Variants in GARIN2 observed in about 807,000 individuals in gnomAD.
GARIN2 encodes the protein golgi associated RAB2 interactor family member 2.
chr14:67,222,076 T>A, the GARIN2 span: 1 of 395,078 alleles, frequency 2.5e-6, no homozygotes, highest in Non-Finnish European at 4.5e-6. Flanking sequence ...GTTTCCCAGT[T>A]CCCTGTATCT....
the GARIN2 span, among the ~76,000 whole-genome samples, chr14:67,192,111 C>G: frequency 6.6e-6 from 1 of 152,214 alleles, no homozygotes; most frequent in African/African-American, 2.4e-5. Context: ...TGCAGCGCAG[C>G]AAAAGCCCTT....
chr14:67,199,886 C>A, the GARIN2 span: 4 of 1,488,626 alleles, frequency 2.7e-6, no homozygotes, highest in Non-Finnish European at 3.6e-6. Context: ...CATGGCCCCC[C>A]ATCGGCAGGA....
the GARIN2 span, among the ~76,000 whole-genome samples, chr14:67,209,317 A>G: frequency 6.6e-6 from 1 of 152,156 alleles, no homozygotes; most frequent in African/African-American, 2.4e-5. Context: ...AGAGAGAGAG[A>G]GAATAGAGAG....
chr14:67,225,801 G>A, the GARIN2 span, among the ~76,000 whole-genome samples: 2 of 152,138 alleles, frequency 1.3e-5, no homozygotes, highest in Admixed American at 6.5e-5. Flanking sequence ...TCTGCAGTGC[G>A]TTGCTGAAAA....
the GARIN2 span, among the ~76,000 whole-genome samples, chr14:67,211,243 A>T: frequency 6.6e-6 from 1 of 152,236 alleles, no homozygotes; most frequent in African/African-American, 2.4e-5. Context: ...CTAGGTATAG[A>T]TATAGATAAA....
the GARIN2 span, among the ~76,000 whole-genome samples, chr14:67,220,921 T>C: frequency 6.6e-6 from 1 of 152,352 alleles, no homozygotes. Context: ...AATTATGTCT[T>C]TGCATGTTTA....
chr14:67,190,961 C>T, the GARIN2 span, among the ~76,000 whole-genome samples: 3 of 152,218 alleles, frequency 2.0e-5, no homozygotes, highest in Non-Finnish European at 4.4e-5. Context: ...TAGCCAGGTG[C>T]AGTGGCTCAT....
the GARIN2 span, among the ~76,000 whole-genome samples, chr14:67,198,546 C>G: frequency 6.6e-6 from 1 of 152,200 alleles, no homozygotes; most frequent in Non-Finnish European, 1.5e-5. Flanking sequence ...TGTCTTAACT[C>G]TACCATAATT....
the GARIN2 span, chr14:67,204,536 G>A: frequency 1.9e-6 from 3 of 1,611,612 alleles, no homozygotes; most frequent in South Asian, 1.1e-5. Context: ...CTTGTTTGCA[G>A]GTTTCTCCCT....
At chr14:67,193,178 C>T in the GARIN2 span, among the ~76,000 whole-genome samples, 2 of 136,264 alleles carry the variant, frequency 1.5e-5, no homozygotes, top group African/African-American at 2.7e-5. Context: ...CTATATATCT[C>T]TATATAGACA....
the GARIN2 span, among the ~76,000 whole-genome samples, chr14:67,224,209 G>C: frequency 6.6e-6 from 1 of 151,698 alleles, no homozygotes; most frequent in African/African-American, 2.4e-5. Flanking sequence ...GCATGAAATA[G>C]GGTCCAGGTT....
At chr14:67,216,041 T>C in the GARIN2 span, among the ~76,000 whole-genome samples, 1 of 152,170 alleles carries the variant, frequency 6.6e-6, no homozygotes, top group African/African-American at 2.4e-5. Context: ...ACTGAGCAAA[T>C]AGTGCATAGA....
the GARIN2 span, among the ~76,000 whole-genome samples, chr14:67,216,730 A>G: frequency 6.6e-6 from 1 of 151,700 alleles, no homozygotes; most frequent in Non-Finnish European, 1.5e-5. Flanking sequence ...GTTGTTATTG[A>G]TTTCTAGTTT....
the GARIN2 span, among the ~76,000 whole-genome samples, chr14:67,212,598 A>ATAT: frequency 7.4e-6 from 1 of 135,910 alleles, no homozygotes; most frequent in African/African-American, 2.8e-5. Context: ...TGAAAAAAAA[A>ATAT]ATATATATAT....
the GARIN2 span, chr14:67,208,077 A>C: frequency 3.2e-5 from 44 of 1,382,636 alleles, no homozygotes; most frequent in Non-Finnish European, 3.9e-5. Context: ...CTCCCTCCTT[A>C]CTACTCCTCA....
the GARIN2 span, among the ~76,000 whole-genome samples, chr14:67,206,639 A>T: frequency 6.6e-6 from 1 of 152,244 alleles, no homozygotes; most frequent in Non-Finnish European, 1.5e-5. Flanking sequence ...AAGATGATCT[A>T]AGTAGACGTA....
chr14:67,223,059 G>T, the GARIN2 span, among the ~76,000 whole-genome samples: 3 of 148,444 alleles, frequency 2.0e-5, no homozygotes, highest in East Asian at 4.0e-4. Context: ...GAGTGCAGTG[G>T]CACAATCTTG....
At chr14:67,217,387 G>A in the GARIN2 span, among the ~76,000 whole-genome samples, 1 of 152,034 alleles carries the variant, frequency 6.6e-6, no homozygotes, top group Admixed American at 6.5e-5. Flanking sequence ...TTTAAGCAGG[G>A]AATTTTAATC....
the GARIN2 span, among the ~76,000 whole-genome samples, chr14:67,218,418 G>C: frequency 2.0e-5 from 3 of 152,170 alleles, no homozygotes; most frequent in Non-Finnish European, 4.4e-5. Context: ...GTGCAAGTCT[G>C]CTTGGCTGAC....
Sources: gnomAD v4.1 joint callset for allele counts (sites outside exome capture counted in the v4.1 genomes callset) on GRCh38, gnomAD v4.1.1 for gene constraint, MANE v1.5 for transcripts, NCBI Gene and HGNC (gene_info 2026-07-23, HGNC 2026-07-21) for gene names.